Variants in NOP56 observed in about 807,000 individuals in gnomAD.
NOP56 encodes the protein nucleolar protein 56.
A neutral mutation model predicts 58.3 loss-of-function variants in NOP56; 31 were observed. The observed-to-expected ratio is 0.53, with a 90% CI of 0.40 to 0.72. The LOEUF is 0.72. Ranked by LOEUF, NOP56 falls within the 30% of genes least tolerant of loss-of-function variation. The probability of loss-of-function intolerance (pLI) is 0.00; values close to 1 mark genes in which losing one functional copy is unlikely to be tolerated. For missense variants in NOP56, 669 were observed against 739.9 expected (o/e 0.90, Z 1.11); for synonymous variants, 313 against 282.8 (o/e 1.11, Z -1.07).
intron 1 of NOP56, 67 bp downstream of exon 1, chr20:2,652,730 A>AGCCTGGGC: frequency 7.6e-7 from 1 of 1,324,280 alleles, no homozygotes; most frequent in Non-Finnish European, 9.7e-7. Flanking sequence ...CGGGCCGCAG[A>AGCCTGGGC]CAGGGCCTGG....
intron 11 of NOP56, chr20:2,657,431 C>T (rs991865346): frequency 1.6e-5 from 12 of 762,426 alleles, no homozygotes; most frequent in Admixed American, 2.0e-5. Context: ...AGCTCACACC[C>T]GTTCCCTGGG....
intron 11 of NOP56, chr20:2,657,676 C>G (rs2086844187): frequency 3.9e-6 from 2 of 517,332 alleles, no homozygotes; most frequent in Non-Finnish European, 6.8e-6. Flanking sequence ...CATGATGGTT[C>G]TGTTGCGACC....
At chr20:2,655,003 T>C in intron 5 of NOP56, 56 bp downstream of exon 5, 2 of 1,600,482 alleles carry the variant, frequency 1.2e-6, no homozygotes, top group Non-Finnish European at 1.7e-6. Context: ...GTTCAGTTAA[T>C]TTTGAGTCTT....
In NOP56 at chr20:2,652,646, C is replaced by T. The variant is rs761005869; in HGVS notation, c.-15C>T. 15 of 1,420,436 alleles carry T rather than the reference C, an allele frequency of 1.1e-5. No homozygotes were observed. In the East Asian group the frequency reaches 3.5e-4, roughly 33 times the overall value. 88.0% of individuals were successfully genotyped at this position (1,420,436 alleles called of 1,614,324 possible). On this transcript the variant is annotated 5_prime_UTR_variant, in exon 1 of 12. Coordinates refer to ENST00000329276, the MANE Select transcript of NOP56 (RefSeq NM_006392.4). ...GCGCTAGCCGCATTGCGAGCCGAAC[C>T]CGGGAGCTGGCGCCATGGTGAGGAG...
chr20:2,656,715 C>T (rs1454357658), intron 9 of NOP56, 59 bp from the exon 10 acceptor site: 32 of 1,613,844 alleles, frequency 2.0e-5, no homozygotes, highest in Non-Finnish European at 2.7e-5. Flanking sequence ...AGAGGGAACA[C>T]AGGGTTGGGG....
rs755764596 is a variant in NOP56 at position 2,653,287 on chromosome 20, G to A, written c.102G>A (p.Glu34=). Residue 34 remains glutamate (E), a synonymous_variant, in exon 3 of 12, where the codon GAG becomes GAA. Transcript: ENST00000329276. ...CCTCTTTCTCCCCCCAGGTGGAGGA[G>A]TCTGTGCTCAACCTGGGCAAATTCC... The part of the protein sequence containing the change: ...EISLLQPQVE[E]SVLNLGKFHS... 4 of 1,613,340 alleles carry A rather than the reference G, an allele frequency of 2.5e-6. No homozygotes were observed. Among genetic ancestry groups the A allele is most frequent in the Non-Finnish European group, 3.4e-6 (4 of 1,179,384 alleles).
intron 11 of NOP56, 162 bp downstream of exon 11, chr20:2,657,380 A>G: frequency 9.5e-7 from 1 of 1,055,592 alleles, no homozygotes; most frequent in East Asian, 2.6e-5. Flanking sequence ...TAGGAAGGAG[A>G]TAGGTGCTGA....
At chr20:2,652,965 C>T (rs753071185) in intron 2 of NOP56, 34 bp downstream of exon 2, 120 of 1,536,220 alleles carry the variant, frequency 7.8e-5, no homozygotes, top group Non-Finnish European at 1.0e-4. Flanking sequence ...TTGGCGGCCC[C>T]GCAGACCCTC....
chr20:2,653,149 G>C, intron 2 of NOP56, 130 bp from the exon 3 acceptor site: 1 of 857,096 alleles, frequency 1.2e-6, no homozygotes, highest in South Asian at 1.6e-5. Flanking sequence ...AACGATTAAA[G>C]CAGAAGCTGG....
At chr20:2,653,617 T>G (rs573176690) in intron 3 of NOP56, 1 of 536,718 alleles carries the variant, frequency 1.9e-6, no homozygotes, top group African/African-American at 1.9e-5. Context: ...GTGGAATGTG[T>G]GTTAACGTTT....
At position 2,654,233 on chromosome 20, in the gene NOP56, CA is replaced by C. The variant is rs747168270; in HGVS notation, c.209-178del. 9 of 785,168 alleles carry C rather than the reference CA, an allele frequency of 1.1e-5. No homozygotes were observed. The Admixed American group carries it at 1.5e-4, about 13-fold the overall frequency. 48.6% of individuals were successfully genotyped at this position (785,168 alleles called of 1,614,324 possible). A position where few individuals can be genotyped will look rare whatever the true frequency, so the allele number is the denominator to read the frequency against. On this transcript the variant is annotated intron_variant, in intron 3 of 11. Transcript: ENST00000329276. ...GGCTTTGCAGTGATGACTTGCGAAT[CA>C]AATCTGTCAATCCCCTGAGTGCAAT...
chr20:2,652,927 C>T lies in NOP56; in HGVS notation c.89C>T (p.Pro30Leu), dbSNP rs770415375. 23 of 1,601,200 alleles carry T rather than the reference C, an allele frequency of 1.4e-5. 2 individuals are homozygous for T. In the East Asian group the frequency reaches 4.8e-4, roughly 33 times the overall value. The change falls in exon 2 of 12, where the codon CCG becomes CTG. Residue 30 changes from proline to leucine, a missense_variant. Pro to Leu is a moderately conservative substitution (Grantham distance 98, BLOSUM62 -3). This residue lies in a region of NOP56 where 121 missense variants were observed against 113.1 expected (regional missense o/e 1.07). Coordinates refer to ENST00000329276, the MANE Select transcript of NOP56 (RefSeq NM_006392.4). ...KEVEEISLLQ[P>L]QVEESVLNLG... The stretch of plus-strand genomic sequence containing the variant: ...GTGGAGGAGATCAGTCTGCTGCAGC[C>T]GCAGGTGGGTGAGATCCGTGGGCTC...
chr20:2,653,006 T>TCCCA, intron 2 of NOP56, 75 bp downstream of exon 2: 1 of 1,362,478 alleles, frequency 7.3e-7, no homozygotes, highest in Non-Finnish European at 1.0e-6. Context: ...CACAGCGCGC[T>TCCCA]CCCACGTGGC....
Position 2,652,763 on chromosome 20 carries a change from GC to G in NOP56, c.4-78del, listed in dbSNP as rs1948892980. Reference sequence around the variant, plus strand: ...TGGGCCTGGGCCTGGGCCTGCGCCTGCGCCTGCGCCTGCCCTGGGAACGGGT... The same window carrying G: ...TGGGCCTGGGCCTGGGCCTGCGCCTGGCCTGCGCCTGCCCTGGGAACGGGT... On this transcript the variant is annotated intron_variant, in intron 1 of 11. Coordinates refer to ENST00000329276, the MANE Select transcript of NOP56 (RefSeq NM_006392.4). 4 of 1,548,096 alleles carry G rather than the reference GC, an allele frequency of 2.6e-6. No individual in the cohort carries two copies. The South Asian group carries it at 4.7e-5, about 18-fold the overall frequency.
chr20:2,654,311 A>T (rs777254978), intron 3 of NOP56, 103 bp from the exon 4 acceptor site: 3 of 1,160,948 alleles, frequency 2.6e-6, no homozygotes, highest in Non-Finnish European at 3.9e-6. Context: ...GGATCTAGGT[A>T]TGCCATCCCA....
chr20:2,655,566 C>T, intron 6 of NOP56, 29 bp from the exon 7 acceptor site: 1 of 1,614,162 alleles, frequency 6.2e-7, no homozygotes, highest in Non-Finnish European at 8.5e-7. Flanking sequence ...AATAGCTGGC[C>T]TCTTGCATTC....
Position 2,652,902 on chromosome 20 carries a change from G to C in NOP56, c.64G>C (p.Val22Leu). 1 of 1,609,706 alleles carries C rather than the reference G, an allele frequency of 6.2e-7. No individual in the cohort carries two copies. The highest frequency in any genetic ancestry group is 2.2e-5 in the East Asian group (1 of 44,594). Residue 22 changes from valine to leucine, a missense_variant, in exon 2 of 12, where the codon GTG (valine) becomes CTG (leucine). Coordinates refer to ENST00000329276, the MANE Select transcript of NOP56 (RefSeq NM_006392.4). The stretch of plus-strand genomic sequence containing the variant: ...CTACGCGCTGCTGGCGCTGAAGGAA[G>C]TGGAGGAGATCAGTCTGCTGCAGCC... ...VGYALLALKE[V>L]EEISLLQPQV...
At position 2,654,410 on chromosome 20, in the gene NOP56, T is replaced by C. The variant is rs781714376; in HGVS notation, c.209-4T>C. ...TTAGTGGGAACTGTGTTCTTTCCCC[T>C]GAGGGGTTGTTCATGAGGACCTCCG... On this transcript the variant is annotated splice_polypyrimidine_tract_variant and splice_region_variant and intron_variant, in intron 3 of 11. Coordinates refer to ENST00000329276, the MANE Select transcript of NOP56 (RefSeq NM_006392.4). 5.0e-6 allele frequency: 8 copies of C among 1,613,916 alleles called. No homozygotes were observed. In the East Asian group the frequency reaches 1.3e-4, roughly 27 times the overall value.
rs201508102 is a variant in NOP56 at position 2,656,072 on chromosome 20, T to C, written c.1010+38T>C. 3.1e-6 allele frequency: 5 copies of C among 1,613,966 alleles called. No individual in the cohort carries two copies. In the African/African-American group the frequency reaches 6.7e-5, roughly 22 times the overall value. ...GCACCTGCCCACAATCAGGTGCCAC[T>C]TCTGGTGCCCACTGCTTGTTGGGGG... On this transcript the variant is annotated intron_variant, in intron 8 of 11. Transcript: ENST00000329276.
Sources: allele counts gnomAD v4.1 joint callset, GRCh38; gene constraint gnomAD v4.1.1; regional missense constraint gnomAD v4.1.1; transcripts MANE v1.5; gene names NCBI Gene and HGNC (gene_info 2026-07-23, HGNC 2026-07-21).